Variants in TMEM74 observed in about 807,000 individuals in gnomAD.
TMEM74 encodes transmembrane protein 74.
Under a neutral mutation model 18.1 loss-of-function variants are expected in TMEM74, and 13 were observed. The ratio of observed to expected loss-of-function variants is 0.72; its 90% CI spans 0.47 to 1.14. The LOEUF (loss-of-function observed/expected upper bound fraction) is 1.14. Ranked by LOEUF, TMEM74 falls within the 50% of genes most tolerant of loss-of-function variation. The pLI is 0.00. For synonymous variants in TMEM74, 159 were observed against 146.6 expected, an observed-to-expected ratio of 1.08 and a Z score of -0.61; for missense variants, 372 against 375.9, an observed-to-expected ratio of 0.99 and a Z score of 0.09.
chr8:108,752,945 G>A (rs1185767030), intron 1 of TMEM74, among the ~76,000 whole-genome samples: 3 of 152,036 alleles, frequency 2.0e-5, no homozygotes, highest in East Asian at 3.9e-4. Flanking sequence ...AGACATTAGT[G>A]TCACTAAAAA....
chr8:108,745,836 A>G (rs1350133511), intron 1 of TMEM74, among the ~76,000 whole-genome samples: 1 of 152,128 alleles, frequency 6.6e-6, no homozygotes, highest in Non-Finnish European at 1.5e-5. Flanking sequence ...CTAATCAGTT[A>G]TGTTATCTAT....
At chr8:108,675,408 G>C (rs950579647) in intron 1 of TMEM74, among the ~76,000 whole-genome samples, 1 of 152,128 alleles carries the variant, frequency 6.6e-6, no homozygotes, top group African/African-American at 2.4e-5. Flanking sequence ...TGGAGTACTG[G>C]CCTTGATCAG....
intron 2 of TMEM74, among the ~76,000 whole-genome samples, chr8:108,619,407 C>T (rs546050765): frequency 1.1e-4 from 17 of 152,260 alleles, no homozygotes; most frequent in African/African-American, 3.9e-4. Flanking sequence ...GGTGTTGCTT[C>T]GGTTGTGTGA....
At chr8:108,616,176 G>A in intron 2 of TMEM74, among the ~76,000 whole-genome samples, 1 of 152,122 alleles carries the variant, frequency 6.6e-6, no homozygotes, top group African/African-American at 2.4e-5. Context: ...CATGGCAGAG[G>A]GCCGTGCTCT....
chr8:108,639,787 C>T (rs1055799245), intron 2 of TMEM74, among the ~76,000 whole-genome samples: 1 of 151,982 alleles, frequency 6.6e-6, no homozygotes, highest in Admixed American at 6.6e-5. Context: ...AGGAAATTTC[C>T]GAAGTTTCCT....
At chr8:108,756,607 G>GA (rs1563543643) in intron 1 of TMEM74, among the ~76,000 whole-genome samples, 25 of 57,370 alleles carry the variant, frequency 4.4e-4, no homozygotes, top group African/African-American at 2.0e-3. Context: ...AGAAAGGAAG[G>GA]AAGGAAGGAA....
At chr8:108,685,342 G>A (rs1437299166) in intron 1 of TMEM74, among the ~76,000 whole-genome samples, 1 of 152,044 alleles carries the variant, frequency 6.6e-6, no homozygotes, top group African/African-American at 2.4e-5. Context: ...AGTTTTGGTA[G>A]AATATTTAAG....
chr8:108,617,968 G>A (rs1478132496), intron 2 of TMEM74, among the ~76,000 whole-genome samples: 2 of 151,946 alleles, frequency 1.3e-5, no homozygotes, highest in South Asian at 2.1e-4. Context: ...GATTTATAGT[G>A]CAGGTAAAAG....
At chr8:108,646,299 G>C (rs1168025106) in intron 2 of TMEM74, among the ~76,000 whole-genome samples, 1 of 152,052 alleles carries the variant, frequency 6.6e-6, no homozygotes, top group Non-Finnish European at 1.5e-5. Context: ...CACCTGCTTA[G>C]ATTCAAGTAT....
At chr8:108,754,913 T>C (rs1813942081) in intron 1 of TMEM74, among the ~76,000 whole-genome samples, 1 of 151,940 alleles carries the variant, frequency 6.6e-6, no homozygotes, top group Non-Finnish European at 1.5e-5. Flanking sequence ...AATCTCTTCT[T>C]TCCTCTGCCT....
chr8:108,686,171 G>T (rs947069315), intron 1 of TMEM74, among the ~76,000 whole-genome samples: 2 of 152,036 alleles, frequency 1.3e-5, no homozygotes, highest in African/African-American at 4.8e-5. Context: ...CAATGGGAGC[G>T]TAAGTTGGGA....
chr8:108,772,563 G>C (rs983252334), intron 1 of TMEM74, among the ~76,000 whole-genome samples: 6 of 152,176 alleles, frequency 3.9e-5, no homozygotes, highest in African/African-American at 1.4e-4. Context: ...GCCATTTAAA[G>C]AAGGGAGAGA....
downstream of TMEM74, among the ~76,000 whole-genome samples, chr8:108,777,288 G>A (rs541072475): frequency 6.6e-6 from 1 of 152,226 alleles, no homozygotes; most frequent in African/African-American, 2.4e-5. Flanking sequence ...CACATAGTAA[G>A]CACTCAAATG....
At chr8:108,719,524 A>G (rs1438132271) in intron 1 of TMEM74, among the ~76,000 whole-genome samples, 1 of 152,102 alleles carries the variant, frequency 6.6e-6, no homozygotes, top group Non-Finnish European at 1.5e-5. Context: ...TTCTAATCAA[A>G]TGGAGGATAC....
chr8:108,686,117 C>T (rs1420829222), intron 1 of TMEM74, among the ~76,000 whole-genome samples: 1 of 151,832 alleles, frequency 6.6e-6, no homozygotes, highest in African/African-American at 2.4e-5. Context: ...TTCTTTTGAA[C>T]AAAAAAATGC....
chr8:108,644,939 T>C (rs1342403291), intron 2 of TMEM74, among the ~76,000 whole-genome samples: 1 of 152,118 alleles, frequency 6.6e-6, no homozygotes, highest in South Asian at 2.1e-4. Flanking sequence ...GGAAAGCAGT[T>C]TTGATATTTC....
intron 1 of TMEM74, among the ~76,000 whole-genome samples, chr8:108,669,863 C>A (rs909783959): frequency 2.0e-5 from 3 of 151,638 alleles, no homozygotes; most frequent in Non-Finnish European, 4.4e-5. Flanking sequence ...GATGGTGAAA[C>A]CCCATCTCTA....
intron 1 of TMEM74, among the ~76,000 whole-genome samples, chr8:108,688,271 G>T (rs72673025): frequency 6.6e-6 from 1 of 152,078 alleles, no homozygotes; most frequent in Non-Finnish European, 1.5e-5. Context: ...TATATTATTC[G>T]ACCAGAAAAT....
chr8:108,646,214 A>C (rs1791311236), intron 2 of TMEM74, among the ~76,000 whole-genome samples: 1 of 152,048 alleles, frequency 6.6e-6, no homozygotes, highest in African/African-American at 2.4e-5. Flanking sequence ...CTAAATATAC[A>C]CTTTAGGACA....
Sources: gnomAD v4.1 joint callset for allele counts (sites outside exome capture counted in the v4.1 genomes callset) on GRCh38, gnomAD v4.1.1 for gene constraint, MANE v1.5 for transcripts, NCBI Gene and HGNC (gene_info 2026-07-23, HGNC 2026-07-21) for gene names.